COLEC12: variants seen among roughly 807,000 people sequenced by gnomAD.
The protein encoded by COLEC12 is collectin-12.
COLEC12 carries 33 observed loss-of-function variants against 71.1 expected under a neutral mutation model. The ratio of observed to expected loss-of-function variants is 0.46; its 90% confidence interval spans 0.35 to 0.62. The LOEUF is 0.62. Ranked by LOEUF, COLEC12 falls within the 20% of genes least tolerant of loss-of-function variation. The pLI is 0.00. For missense variants in COLEC12, 765 were observed against 916.1 expected (o/e 0.84, Z 2.13); for synonymous variants, 350 against 353.0 (o/e 0.99, Z 0.10).
At chr18:469,968 T>C (rs2846665) in intron 2 of COLEC12, among the ~76,000 whole-genome samples, 1 of 152,220 alleles carries the variant, frequency 6.6e-6, no homozygotes, top group South Asian at 2.1e-4. Context: ...GTGGGAATTT[T>C]GTTTTATCCA....
intron 2 of COLEC12, among the ~76,000 whole-genome samples, chr18:476,644 G>C (rs1917311133): frequency 6.6e-6 from 1 of 152,214 alleles, no homozygotes; most frequent in South Asian, 2.1e-4. Flanking sequence ...AGGCCATGCA[G>C]GTGGTGCTGC....
intron 1 of COLEC12, among the ~76,000 whole-genome samples, chr18:498,944 G>C (rs1396110076): frequency 6.6e-6 from 1 of 152,282 alleles, no homozygotes; most frequent in East Asian, 1.9e-4. Flanking sequence ...CATAACAAAA[G>C]TTTCAGGGTT....
chr18:434,125 G>C (rs562093347), intron 2 of COLEC12, among the ~76,000 whole-genome samples: 3 of 152,184 alleles, frequency 2.0e-5, no homozygotes, highest in South Asian at 4.2e-4. Flanking sequence ...GCTTATATGA[G>C]GTCATTGCTA....
chr18:459,713 G>A (rs926865911), intron 2 of COLEC12, among the ~76,000 whole-genome samples: 15 of 152,328 alleles, frequency 9.8e-5, no homozygotes, highest in African/African-American at 2.2e-4. Flanking sequence ...AGCAGAGCCA[G>A]GGCCAAGACA....
Position 424,739 on chromosome 18 carries a change from T to A in COLEC12, c.58+55968A>T, listed in dbSNP as rs1036660901. Among the ~76,000 whole-genome samples the A allele has an allele frequency of 5.9e-5, 9 of 152,186 alleles. No homozygotes were observed. In the East Asian group the frequency reaches 1.7e-3, roughly 29 times the overall value. Reference sequence around the variant, plus strand: ...CCTCAGCTGGTCAATAAGTCACTCGTCAATGTACTGGCTCAACAAGTATGT... The same window carrying A: ...CCTCAGCTGGTCAATAAGTCACTCGACAATGTACTGGCTCAACAAGTATGT... On this transcript the variant is annotated intron_variant, in intron 2 of 9. Coordinates refer to ENST00000400256, the MANE Select transcript of COLEC12 (RefSeq NM_130386.3).
At chr18:499,706 C>T (rs66606812) in intron 1 of COLEC12, among the ~76,000 whole-genome samples, 20,645 of 152,252 alleles carry the variant, frequency 0.14, 1,534 homozygotes, top group Admixed American at 0.19. Flanking sequence ...ATCAGGATTC[C>T]GCTGACAAAT....
chr18:445,406 T>C (rs1250185088), intron 2 of COLEC12, among the ~76,000 whole-genome samples: 1 of 152,214 alleles, frequency 6.6e-6, no homozygotes, highest in African/African-American at 2.4e-5. Flanking sequence ...GAAATTCTGA[T>C]GGGGCAGATC....
At chr18:370,736 G>C (rs1914981458) in intron 2 of COLEC12, among the ~76,000 whole-genome samples, 1 of 152,120 alleles carries the variant, frequency 6.6e-6, no homozygotes. Context: ...TCAGCTTGAT[G>C]GATCTAGGAG....
chr18:480,521 CT>C lies in COLEC12; in HGVS notation c.58+185del, dbSNP rs1298194132. 6.6e-6 allele frequency among the ~76,000 whole-genome samples: 1 copy of C among 152,124 alleles called. No homozygotes were observed. The highest frequency in any genetic ancestry group is 2.4e-5 in the African/African-American group (1 of 41,408). ...GGGTGCAGCTCCTGTCCCATGGCCC[CT>C]CAGAATTGTGAGAAACCCTCCCCCT... On this transcript the variant is annotated intron_variant, in intron 2 of 9. Transcript: ENST00000400256. This position sits in a 1 kb window ranked among gnomAD's most constrained non-coding sequence, Gnocchi z 4.1.
chr18:483,059 A>C (rs1190342422), intron 1 of COLEC12, among the ~76,000 whole-genome samples: 1 of 152,202 alleles, frequency 6.6e-6, no homozygotes, highest in Non-Finnish European at 1.5e-5. Context: ...CTATAAACAC[A>C]ATGTGGTGAA....
intron 1 of COLEC12, among the ~76,000 whole-genome samples, chr18:494,680 T>C (rs1917678019): frequency 2.0e-5 from 3 of 152,252 alleles, no homozygotes; most frequent in Admixed American, 2.0e-4. Flanking sequence ...TAGGACTGTT[T>C]TGCCTTTGAA....
chr18:397,044 C>A lies in COLEC12; in HGVS notation c.59-39522G>T, dbSNP rs541484569. Among the ~76,000 whole-genome samples the A allele has an allele frequency of 5.3e-5, 8 of 152,250 alleles. No homozygotes were observed. In the East Asian group the frequency reaches 7.7e-4, roughly 15 times the overall value. ...GCTCTGGAACCAGATCTTGGATGGA[C>A]CTTGTTGCTTTGTTGAGTTTGTGTC... On this transcript the variant is annotated intron_variant, in intron 2 of 9. Transcript: ENST00000400256.
chr18:331,061 GTT>G (rs1205308583), intron 8 of COLEC12, among the ~76,000 whole-genome samples: 1 of 149,930 alleles, frequency 6.7e-6, no homozygotes, highest in East Asian at 2.0e-4. Flanking sequence ...TGTTTTTTTT[GTT>G]TTTTTAGTAG....
chr18:441,697 A>G (rs1324324274), intron 2 of COLEC12, among the ~76,000 whole-genome samples: 1 of 152,108 alleles, frequency 6.6e-6, no homozygotes, highest in Non-Finnish European at 1.5e-5. Flanking sequence ...GCTGTACACA[A>G]TTCAACAGGA....
At position 327,182 on chromosome 18, in the gene COLEC12, A is replaced by ATG. The variant is rs749115469; in HGVS notation, c.2063+4484_2063+4485dup. On this transcript the variant is annotated intron_variant, in intron 8 of 9. Transcript: ENST00000400256. The surrounding 1 kb of genome is among the most constrained non-coding windows in gnomAD (Gnocchi z 4.0). Reference sequence around the variant, plus strand: ...TGGTGAAATGAGAAGAATAAGGACAATGTGTGTGTGTGTGAATGTAAGATG... The same window carrying ATG: ...TGGTGAAATGAGAAGAATAAGGACAATGTGTGTGTGTGTGTGAATGTAAGATG... Among the ~76,000 whole-genome samples the ATG allele has an allele frequency of 2.7e-4, 41 of 151,980 alleles. No individual in the cohort carries two copies. The highest frequency in any genetic ancestry group is 6.8e-3 in the Middle Eastern group (2 of 294).
intron 2 of COLEC12, among the ~76,000 whole-genome samples, chr18:388,128 C>T (rs997500170): frequency 6.6e-6 from 1 of 152,158 alleles, no homozygotes; most frequent in African/African-American, 2.4e-5. Flanking sequence ...ACAGCCCCAA[C>T]TAGACAGCAG....
chr18:321,906 T>C, intron 8 of COLEC12, 99 bp from the exon 9 acceptor site: 1 of 1,142,814 alleles, frequency 8.8e-7, no homozygotes, highest in Non-Finnish European at 1.3e-6. Flanking sequence ...AATTGAAGCA[T>C]GTCATTTATC....
At chr18:445,868 G>C (rs1916637897) in intron 2 of COLEC12, among the ~76,000 whole-genome samples, 1 of 152,158 alleles carries the variant, frequency 6.6e-6, no homozygotes, top group South Asian at 2.1e-4. Context: ...CTGAGCTCAA[G>C]TGATCTGCCT....
intron 2 of COLEC12, among the ~76,000 whole-genome samples, chr18:442,143 G>A (rs1394303392): frequency 6.8e-6 from 1 of 147,748 alleles, no homozygotes; most frequent in Non-Finnish European, 1.5e-5. Flanking sequence ...TGCTGGGGAT[G>A]TTTGAGGAGT....
Sources: allele counts gnomAD v4.1 joint callset (sites outside exome capture counted in the v4.1 genomes callset), GRCh38; gene constraint gnomAD v4.1.1; non-coding constraint Gnocchi (gnomAD v3.1); transcripts MANE v1.5; gene names NCBI Gene and HGNC (gene_info 2026-07-23, HGNC 2026-07-21).